Variants in SUSD4 observed in about 807,000 individuals in gnomAD.
SUSD4 encodes sushi domain containing 4.
A neutral mutation model predicts 50.5 loss-of-function variants in SUSD4; 41 were observed. The observed-to-expected ratio is 0.81, with a 90% confidence interval of 0.63 to 1.05. SUSD4 has a LOEUF of 1.05. Among genes scored for constraint, SUSD4 ranks in the 50% least tolerant of loss-of-function variants. The pLI is 0.00. For synonymous variants in SUSD4, 257 were observed against 257.3 expected, an observed-to-expected ratio of 1.00 and a Z score of 0.01; for missense variants, 580 against 634.7, an observed-to-expected ratio of 0.91 and a Z score of 0.93.
intron 2 of SUSD4, among the ~76,000 whole-genome samples, chr1:223,335,288 G>T (rs1461327906): frequency 6.6e-6 from 1 of 152,082 alleles, no homozygotes; most frequent in African/African-American, 2.4e-5. Flanking sequence ...GTTCTTTAAG[G>T]AATCTCCACA....
At chr1:223,352,974 G>A (rs1439463498) in intron 2 of SUSD4, among the ~76,000 whole-genome samples, 2 of 151,750 alleles carry the variant, frequency 1.3e-5, no homozygotes, top group Non-Finnish European at 1.5e-5. Context: ...ATGGACCTCC[G>A]GAGCACCTAT....
intron 2 of SUSD4, among the ~76,000 whole-genome samples, chr1:223,343,468 G>C (rs1667868726): frequency 2.6e-5 from 4 of 152,068 alleles, no homozygotes; most frequent in Admixed American, 2.6e-4. Flanking sequence ...AAAAATTATA[G>C]GGTATGCACA....
At chr1:223,253,521 A>G (rs1371076677) in intron 5 of SUSD4, among the ~76,000 whole-genome samples, 1 of 152,148 alleles carries the variant, frequency 6.6e-6, no homozygotes, top group Non-Finnish European at 1.5e-5. Flanking sequence ...TTTATGAAGG[A>G]AAGTGGAGAT....
At chr1:223,320,454 A>C (rs1434748230) in intron 2 of SUSD4, among the ~76,000 whole-genome samples, 1 of 151,552 alleles carries the variant, frequency 6.6e-6, no homozygotes, top group Admixed American at 6.6e-5. Context: ...CCTTCCACAC[A>C]GGCATACCCT....
At chr1:223,350,186 G>A (rs138260340) in intron 2 of SUSD4, among the ~76,000 whole-genome samples, 8 of 152,342 alleles carry the variant, frequency 5.3e-5, no homozygotes, top group African/African-American at 1.9e-4. Context: ...ATCCAACATG[G>A]TATTTTGTTA....
intron 2 of SUSD4, among the ~76,000 whole-genome samples, chr1:223,336,468 T>C (rs1439940642): frequency 5.9e-5 from 9 of 152,176 alleles, no homozygotes; most frequent in Admixed American, 5.9e-4. Flanking sequence ...GTCAGAAGTA[T>C]TGGAAGTGGC....
At chr1:223,279,543 A>G (rs1266119710) in intron 3 of SUSD4, among the ~76,000 whole-genome samples, 1 of 151,888 alleles carries the variant, frequency 6.6e-6, no homozygotes, top group African/African-American at 2.4e-5. Flanking sequence ...TAGAGAAAAC[A>G]GGGTTAAAGA....
intron 2 of SUSD4, among the ~76,000 whole-genome samples, chr1:223,351,660 A>T (rs1668374201): frequency 6.6e-6 from 1 of 152,140 alleles, no homozygotes; most frequent in African/African-American, 2.4e-5. Flanking sequence ...GGCTTAGGGT[A>T]GAGTCAATGA....
intron 3 of SUSD4, among the ~76,000 whole-genome samples, chr1:223,287,028 C>T (rs1395901533): frequency 6.6e-6 from 1 of 152,164 alleles, no homozygotes; most frequent in Non-Finnish European, 1.5e-5. Flanking sequence ...GCTGTCAGAG[C>T]AAGGAAAACC....
chr1:223,354,036 A>T (rs1317674233), intron 2 of SUSD4, among the ~76,000 whole-genome samples: 2 of 148,676 alleles, frequency 1.3e-5, no homozygotes, highest in Admixed American at 1.3e-4. Flanking sequence ...TGTCTCAAGA[A>T]AAAAAAAAAA....
At chr1:223,318,545 C>A (rs1666364215) in intron 2 of SUSD4, among the ~76,000 whole-genome samples, 1 of 128,210 alleles carries the variant, frequency 7.8e-6, no homozygotes, top group African/African-American at 3.0e-5. Context: ...TTAATGATTG[C>A]CATTCTAACT....
intron 4 of SUSD4, among the ~76,000 whole-genome samples, chr1:223,265,030 C>T (rs529146835): frequency 6.6e-6 from 1 of 152,304 alleles, no homozygotes; most frequent in African/African-American, 2.4e-5. Context: ...GAAAATGGCA[C>T]CAAGAGGGTC....
At chr1:223,302,252 CA>C (rs899515783) in intron 2 of SUSD4, among the ~76,000 whole-genome samples, 1 of 152,262 alleles carries the variant, frequency 6.6e-6, no homozygotes, top group East Asian at 1.9e-4. Flanking sequence ...ACCATGAGCA[CA>C]ATTAAACCTC....
intron 7 of SUSD4, among the ~76,000 whole-genome samples, chr1:223,225,840 G>A (rs1208644958): frequency 9.2e-5 from 14 of 152,004 alleles, no homozygotes; most frequent in South Asian, 8.3e-4. Context: ...TACACCCCTC[G>A]TCAACATCCC....
chr1:223,353,898 T>C (rs1668508023), intron 2 of SUSD4, among the ~76,000 whole-genome samples: 2 of 151,860 alleles, frequency 1.3e-5, no homozygotes, highest in Admixed American at 1.3e-4. Context: ...AGCTTTGTCC[T>C]CCCATTGAAG....
chr1:223,304,727 G>T (rs180865046), intron 2 of SUSD4, among the ~76,000 whole-genome samples: 9 of 140,994 alleles, frequency 6.4e-5, no homozygotes, highest in African/African-American at 2.5e-4. Flanking sequence ...TTTGAATCCC[G>T]ACTCTGCCAT....
intron 5 of SUSD4, chr1:223,235,152 T>C (rs766802766): frequency 2.5e-5 from 38 of 1,529,090 alleles, no homozygotes; most frequent in Middle Eastern, 1.7e-4. Context: ...TTTCTCTTGA[T>C]TGAAAAAAAA....
intron 3 of SUSD4, among the ~76,000 whole-genome samples, chr1:223,291,526 TA>T (rs1664492792): frequency 6.8e-6 from 1 of 147,106 alleles, no homozygotes; most frequent in Non-Finnish European, 1.5e-5. Context: ...TTAAGTTATT[TA>T]AAAAGTAAAA....
At chr1:223,303,774 T>C (rs922589084) in intron 2 of SUSD4, among the ~76,000 whole-genome samples, 8 of 152,160 alleles carry the variant, frequency 5.3e-5, no homozygotes, top group African/African-American at 1.9e-4. Context: ...CATTTGATTA[T>C]GAGGTGAGAT....
Sources: allele counts gnomAD v4.1 joint callset (sites outside exome capture counted in the v4.1 genomes callset), GRCh38; gene constraint gnomAD v4.1.1; transcripts MANE v1.5; gene names NCBI Gene and HGNC (gene_info 2026-07-23, HGNC 2026-07-21).